The following NBAS variants were observed in gnomAD, a reference collection of about 807,000 sequenced individuals.
The protein encoded by NBAS is NAG/BC035112 fusion.
A neutral mutation model predicts 302.5 loss-of-function variants in NBAS; 219 were observed. The ratio of observed to expected loss-of-function variants is 0.72; its 90% CI spans 0.65 to 0.81. The LOEUF is 0.81. Among genes scored for constraint, NBAS ranks in the 30% least tolerant of loss-of-function variants. The probability of loss-of-function intolerance (pLI) is 0.00; values close to 1 mark genes in which losing one functional copy is unlikely to be tolerated. For synonymous variants in NBAS, 1,118 were observed against 1,021.6 expected, an observed-to-expected ratio of 1.09 and a Z score of -1.80; for missense variants, 2,932 against 2,841.6, an observed-to-expected ratio of 1.03 and a Z score of -0.72.
At chr2:15,264,681 A>G (rs1668995322) in intron 44 of NBAS, among the ~76,000 whole-genome samples, 1 of 152,128 alleles carries the variant, frequency 6.6e-6, no homozygotes, top group African/African-American at 2.4e-5. Flanking sequence ...TAGCTCATAA[A>G]ACACGGGAGC....
chr2:15,480,580 G>A (rs80333210), intron 12 of NBAS, among the ~76,000 whole-genome samples: 1,927 of 152,214 alleles, frequency 0.013, 31 homozygotes, highest in East Asian at 0.059. Context: ...GGGGTACAAA[G>A]AAGTTTTATG....
chr2:15,145,549 GC>G, the NBAS span, among the ~76,000 whole-genome samples: 1 of 152,006 alleles, frequency 6.6e-6, no homozygotes, highest in Non-Finnish European at 1.5e-5. Context: ...ACTCAGACCA[GC>G]ACTGGCTGCT....
chr2:15,511,922 T>C (rs1237495582), intron 9 of NBAS, among the ~76,000 whole-genome samples: 1 of 152,184 alleles, frequency 6.6e-6, no homozygotes, highest in Non-Finnish European at 1.5e-5. Flanking sequence ...CAGCCTAACA[T>C]ATACTAAAAG....
the NBAS span, among the ~76,000 whole-genome samples, chr2:15,034,245 A>AAAGG: frequency 1.1e-5 from 1 of 90,726 alleles, no homozygotes; most frequent in African/African-American, 4.7e-5. Flanking sequence ...GGAAAGAAAG[A>AAAGG]AAGAAAGAAA....
chr2:15,332,515 G>T (rs147985436), intron 35 of NBAS, among the ~76,000 whole-genome samples: 2 of 151,546 alleles, frequency 1.3e-5, no homozygotes, highest in Non-Finnish European at 2.9e-5. Flanking sequence ...TTGCCCATAC[G>T]TATTCTAAAC....
intron 47 of NBAS, among the ~76,000 whole-genome samples, chr2:15,225,839 T>C (rs1667130240): frequency 6.6e-6 from 1 of 152,138 alleles, no homozygotes. Flanking sequence ...ACATTCCTGT[T>C]AGGAAGTTTT....
At chr2:15,524,042 A>AT (rs1305150636) in intron 9 of NBAS, among the ~76,000 whole-genome samples, 3 of 152,190 alleles carry the variant, frequency 2.0e-5, no homozygotes, top group Non-Finnish European at 4.4e-5. Flanking sequence ...CTTTCAAATG[A>AT]TTTTTTGGCA....
chr2:14,990,280 T>C, the NBAS span, among the ~76,000 whole-genome samples: 42 of 144,086 alleles, frequency 2.9e-4, no homozygotes, highest in African/African-American at 9.8e-4. Flanking sequence ...AAAAAAAAGC[T>C]GGGCATGGTG....
the NBAS span, among the ~76,000 whole-genome samples, chr2:14,786,780 GA>G: frequency 2.6e-5 from 4 of 152,092 alleles, no homozygotes; most frequent in Admixed American, 2.0e-4. Context: ...GTGTGGTGCT[GA>G]AAAAAATGTA....
chr2:15,156,098 C>G, the NBAS span, among the ~76,000 whole-genome samples: 1 of 152,156 alleles, frequency 6.6e-6, no homozygotes, highest in South Asian at 2.1e-4. Context: ...AAAAATGTTG[C>G]CTTCTGAGTT....
At chr2:14,830,581 C>T in the NBAS span, among the ~76,000 whole-genome samples, 1 of 152,160 alleles carries the variant, frequency 6.6e-6, no homozygotes, top group African/African-American at 2.4e-5. Context: ...ACCAGGTTTG[C>T]GAACGACTGT....
intron 14 of NBAS, among the ~76,000 whole-genome samples, 155 bp from the exon 15 acceptor site, chr2:15,474,479 C>T (rs1177513027): frequency 1.3e-5 from 2 of 152,218 alleles, no homozygotes; most frequent in Admixed American, 6.5e-5. Flanking sequence ...AGGAACCTTA[C>T]AGCAAGCATT....
intron 25 of NBAS, among the ~76,000 whole-genome samples, chr2:15,411,436 T>C (rs1000508763): frequency 1.3e-5 from 2 of 152,212 alleles, no homozygotes; most frequent in African/African-American, 4.8e-5. Context: ...TTTTTTAAAA[T>C]TAACATTTTA....
the NBAS span, among the ~76,000 whole-genome samples, chr2:14,919,550 A>G: frequency 6.6e-6 from 1 of 152,180 alleles, no homozygotes; most frequent in African/African-American, 2.4e-5. Context: ...GCAGCATGGC[A>G]TGTTGTTTGA....
chr2:14,823,131 G>A, the NBAS span, among the ~76,000 whole-genome samples: 6 of 152,094 alleles, frequency 3.9e-5, no homozygotes, highest in African/African-American at 1.4e-4. Flanking sequence ...GACCCTACAG[G>A]GACTCGATTT....
intron 26 of NBAS, among the ~76,000 whole-genome samples, 154 bp from the exon 27 acceptor site, chr2:15,396,629 A>C (rs943260081): frequency 6.6e-6 from 1 of 152,204 alleles, no homozygotes; most frequent in Admixed American, 6.5e-5. Flanking sequence ...TTAATGATTC[A>C]AGAGAATTAT....
At chr2:15,353,120 T>C (rs1444362040) in intron 34 of NBAS, among the ~76,000 whole-genome samples, 1 of 152,160 alleles carries the variant, frequency 6.6e-6, no homozygotes, top group African/African-American at 2.4e-5. Context: ...ATCTATTCTG[T>C]GAATTTTAGG....
chr2:14,908,501 G>A, the NBAS span, among the ~76,000 whole-genome samples: 3 of 152,212 alleles, frequency 2.0e-5, no homozygotes, highest in African/African-American at 4.8e-5. Context: ...TGTTTTTTAC[G>A]TGGAGAGGGT....
intron 44 of NBAS, among the ~76,000 whole-genome samples, chr2:15,258,043 A>C (rs1668681482): frequency 6.6e-6 from 1 of 152,216 alleles, no homozygotes; most frequent in Non-Finnish European, 1.5e-5. Flanking sequence ...TTTATCAAAA[A>C]AATAAATCAA....
Sources: gnomAD v4.1 joint callset for allele counts (sites outside exome capture counted in the v4.1 genomes callset) on GRCh38, gnomAD v4.1.1 for gene constraint, MANE v1.5 for transcripts, NCBI Gene and HGNC (gene_info 2026-07-23, HGNC 2026-07-21) for gene names.